DENND1B: variants seen among roughly 807,000 people sequenced by gnomAD.
DENND1B encodes DENN domain-containing protein 1B.
In DENND1B, 59 loss-of-function variants were observed where a neutral mutation model predicts 90.1. The observed-to-expected ratio is 0.65, with a 90% confidence interval of 0.53 to 0.81. The LOEUF (loss-of-function observed/expected upper bound fraction) is 0.81, where lower values mean the gene tolerates loss of function less well. Ranked by LOEUF, DENND1B falls within the 40% of genes least tolerant of loss-of-function variation. The pLI is 0.00. For synonymous variants in DENND1B, 337 were observed against 324.6 expected (o/e 1.04, Z -0.41); for missense variants, 862 against 912.6 (o/e 0.94, Z 0.71).
intron 12 of DENND1B, 78 bp downstream of exon 12, chr1:197,611,853 T>TTTC: frequency 7.6e-7 from 1 of 1,316,556 alleles, no homozygotes; most frequent in Non-Finnish European, 1.1e-6. Flanking sequence ...ACCACTGATA[T>TTTC]TTCTTCAAAA....
At chr1:197,624,386 A>C (rs1447561670) in intron 10 of DENND1B, among the ~76,000 whole-genome samples, 2 of 151,680 alleles carry the variant, frequency 1.3e-5, no homozygotes, top group African/African-American at 4.8e-5. Flanking sequence ...AAATGAATCT[A>C]GATACAGTCC....
chr1:197,659,781 A>T (rs1459749850), intron 5 of DENND1B, among the ~76,000 whole-genome samples: 2 of 152,020 alleles, frequency 1.3e-5, no homozygotes, highest in African/African-American at 4.8e-5. Context: ...CTGATTTAAC[A>T]GTATCTCAAA....
intron 7 of DENND1B, 133 bp from the exon 8 acceptor site, chr1:197,647,247 A>G (rs1430895459): frequency 6.8e-6 from 3 of 443,904 alleles, no homozygotes; most frequent in Non-Finnish European, 3.9e-6. Context: ...AATACTAATT[A>G]TAAGTATTAT....
At chr1:197,653,516 A>C (rs1040900745) in intron 6 of DENND1B, among the ~76,000 whole-genome samples, 9 of 152,122 alleles carry the variant, frequency 5.9e-5, no homozygotes, top group African/African-American at 2.2e-4. Context: ...GAACTGTAAA[A>C]GTTACTTAAA....
intron 20 of DENND1B, among the ~76,000 whole-genome samples, chr1:197,529,026 ACTTTATTTGGGTAACATT>A (rs1046241987): frequency 6.6e-6 from 1 of 151,680 alleles, no homozygotes; most frequent in Non-Finnish European, 1.5e-5. Context: ...ATTTGTAAAC[ACTTTATTTGGGTAACATT>A]CCAAGTGAGA....
chr1:197,735,943 C>T, intron 2 of DENND1B: 6 of 1,475,696 alleles, frequency 4.1e-6, no homozygotes, highest in Non-Finnish European at 4.7e-6. Flanking sequence ...GTTAGAAAGG[C>T]TCAACGAGAA....
At chr1:197,664,309 A>T (rs554254671) in intron 5 of DENND1B, among the ~76,000 whole-genome samples, 15 of 152,288 alleles carry the variant, frequency 9.8e-5, no homozygotes, top group Non-Finnish European at 1.8e-4. Flanking sequence ...CAAGTGAATA[A>T]GACACTTCAC....
chr1:197,761,746 A>C (rs191268202), intron 2 of DENND1B: 3 of 152,218 alleles, frequency 2.0e-5, no homozygotes, highest in Non-Finnish European at 4.4e-5. Flanking sequence ...GGAATCATAT[A>C]TATCTGCAGA....
intron 10 of DENND1B, among the ~76,000 whole-genome samples, chr1:197,630,239 G>A (rs1477717444): frequency 6.6e-6 from 1 of 152,074 alleles, no homozygotes; most frequent in Non-Finnish European, 1.5e-5. Flanking sequence ...ATACCTCAGA[G>A]TAGTTAACTA....
At chr1:197,586,198 T>C (rs960288461) in intron 14 of DENND1B, among the ~76,000 whole-genome samples, 2 of 152,138 alleles carry the variant, frequency 1.3e-5, no homozygotes, top group Non-Finnish European at 2.9e-5. Flanking sequence ...AATATTGCAA[T>C]AGACTGAATA....
intron 10 of DENND1B, among the ~76,000 whole-genome samples, chr1:197,629,241 G>A (rs1018398427): frequency 8.6e-5 from 13 of 151,836 alleles, no homozygotes; most frequent in African/African-American, 1.9e-4. Flanking sequence ...TGTTTATTGC[G>A]GCACTATTCA....
chr1:197,528,582 C>A (rs886767614), intron 20 of DENND1B, among the ~76,000 whole-genome samples: 1 of 152,080 alleles, frequency 6.6e-6, no homozygotes, highest in Non-Finnish European at 1.5e-5. Context: ...TTCTTATGGC[C>A]GGGCGCGGTG....
chr1:197,591,892 C>G (rs1005100212), intron 14 of DENND1B, among the ~76,000 whole-genome samples: 2 of 151,886 alleles, frequency 1.3e-5, no homozygotes, highest in Non-Finnish European at 2.9e-5. Flanking sequence ...AGGTGTATCA[C>G]GAGGTCAGGA....
chr1:197,777,270 C>G (rs1233359309), upstream of DENND1B, among the ~76,000 whole-genome samples: 3 of 152,114 alleles, frequency 2.0e-5, no homozygotes, highest in Non-Finnish European at 4.4e-5. Context: ...AATTGTTTTC[C>G]TCATCCATTG....
At chr1:197,594,431 T>C (rs1675505388) in intron 14 of DENND1B, among the ~76,000 whole-genome samples, 1 of 152,136 alleles carries the variant, frequency 6.6e-6, no homozygotes, top group African/African-American at 2.4e-5. Context: ...ACTAAGGAAA[T>C]GGGTCAAGGT....
chr1:197,750,638 A>T (rs1247687924), intron 2 of DENND1B, among the ~76,000 whole-genome samples: 1 of 152,136 alleles, frequency 6.6e-6, no homozygotes, highest in Non-Finnish European at 1.5e-5. Context: ...TTTAGACATA[A>T]GACAATTTAG....
chr1:197,752,987 C>G (rs2488392), intron 2 of DENND1B, among the ~76,000 whole-genome samples: 129,358 of 151,970 alleles, frequency 0.85, 55,489 homozygotes, highest in African/African-American at 0.95. Context: ...TGGCTGTGTA[C>G]TATTCCATGG....
chr1:197,748,639 C>T (rs111919046), intron 2 of DENND1B, among the ~76,000 whole-genome samples: 39 of 152,182 alleles, frequency 2.6e-4, no homozygotes, highest in African/African-American at 9.4e-4. Flanking sequence ...CAGAAGGAGG[C>T]CAAGAGCCAA....
At chr1:197,757,167 T>C (rs973924168) in intron 2 of DENND1B, among the ~76,000 whole-genome samples, 3 of 152,140 alleles carry the variant, frequency 2.0e-5, no homozygotes, top group Non-Finnish European at 2.9e-5. Flanking sequence ...TTGATCATCA[T>C]AGGTTTACAG....
Sources: gnomAD v4.1 joint callset for allele counts (sites outside exome capture counted in the v4.1 genomes callset) on GRCh38, gnomAD v4.1.1 for gene constraint, MANE v1.5 for transcripts, NCBI Gene and HGNC (gene_info 2026-07-23, HGNC 2026-07-21) for gene names.